PARP6: variants seen among roughly 807,000 people sequenced by gnomAD.
PARP6 encodes poly(ADP-ribose) polymerase family member 6, also known as protein mono-ADP-ribosyltransferase PARP6.
A neutral mutation model predicts 92.0 loss-of-function variants in PARP6; 27 were observed. That is an observed-to-expected ratio of 0.29 (90% CI 0.22 to 0.40). The LOEUF is 0.40. PARP6 is among the 10% of genes least tolerant of loss of function. PARP6 has a pLI of 1.00. For synonymous variants in PARP6, 272 were observed against 281.2 expected, an observed-to-expected ratio of 0.97 and a Z score of 0.33; for missense variants, 501 against 784.5, an observed-to-expected ratio of 0.64 and a Z score of 4.32.
At chr15:72,259,573 G>C in intron 11 of PARP6, 35 bp downstream of exon 11, 4 of 1,599,282 alleles carry the variant, frequency 2.5e-6, no homozygotes, top group Non-Finnish European at 3.4e-6. Flanking sequence ...AGACAACAGG[G>C]AAGGGCTTCG....
Position 72,254,440 on chromosome 15 carries a change from G to A in PARP6, c.1191+15C>T. On this transcript the variant is annotated intron_variant, in intron 15 of 23. Transcript: ENST00000569795. Reference sequence around the variant, plus strand: ...GGGCAGGCAAAGGAGAGGGGACAGAGAGAAGGCAGAATACCTGGGTCATCT... The same window carrying A: ...GGGCAGGCAAAGGAGAGGGGACAGAAAGAAGGCAGAATACCTGGGTCATCT... 1 of 1,595,950 alleles carries A rather than the reference G, an allele frequency of 6.3e-7. No homozygotes were observed. Among genetic ancestry groups the A allele is most frequent in the Non-Finnish European group, 8.6e-7 (1 of 1,163,362 alleles).
chr15:72,255,801 T>C lies in PARP6; in HGVS notation c.1125+664A>G, dbSNP rs200530061. Among the ~76,000 whole-genome samples, 15 of 113,182 alleles carry C rather than the reference T, an allele frequency of 1.3e-4. 1 individual carries two copies. In the South Asian group the frequency reaches 3.9e-3, roughly 29 times the overall value. 74.3% of individuals were successfully genotyped at this position (113,182 alleles called of 152,430 possible). The stretch of plus-strand genomic sequence containing the variant: ...ACTTCTCTCTTTTTTTTTTTTTTTT[T>C]TTTTTTTTTTTTTGAGACAGAGTCT... On this transcript the variant is annotated intron_variant, in intron 14 of 23. Coordinates refer to ENST00000569795, the MANE Select transcript of PARP6 (RefSeq NM_001323532.2).
chr15:72,251,018 G>T, intron 17 of PARP6, 64 bp from the exon 18 acceptor site: 1 of 1,272,966 alleles, frequency 7.9e-7, no homozygotes, highest in Non-Finnish European at 1.1e-6. Context: ...GGGAGGGAAG[G>T]GTTGGGGATA....
At chr15:72,248,498 G>A (rs1004089003) in intron 20 of PARP6, among the ~76,000 whole-genome samples, 1 of 152,122 alleles carries the variant, frequency 6.6e-6, no homozygotes, top group Non-Finnish European at 1.5e-5. Flanking sequence ...CTTTGTAACA[G>A]TTACAAATTA....
In PARP6 at chr15:72,266,734, T is replaced by C. The variant is rs749480733; in HGVS notation, c.81+11A>G. 12 of 1,605,968 alleles carry C rather than the reference T, an allele frequency of 7.5e-6. No individual in the cohort carries two copies. The highest frequency in any genetic ancestry group is 1.6e-4 in the Middle Eastern group (1 of 6,072). ...CATCCAACACGGGGGTCTTGGGAGA[T>C]GTAACCTCACCTGAACGCCATAGAG... On this transcript the variant is annotated intron_variant, in intron 4 of 23. Coordinates refer to ENST00000569795, the MANE Select transcript of PARP6 (RefSeq NM_001323532.2).
At chr15:72,252,761 A>C (rs1399898753) in intron 16 of PARP6, among the ~76,000 whole-genome samples, 1 of 152,232 alleles carries the variant, frequency 6.6e-6, no homozygotes, top group Non-Finnish European at 1.5e-5. Flanking sequence ...TTGGGATCAC[A>C]GGTGTGAGCC....
At chr15:72,265,666 C>G (rs555700317) in intron 5 of PARP6, among the ~76,000 whole-genome samples, 193 bp from the exon 6 acceptor site, 2 of 152,330 alleles carry the variant, frequency 1.3e-5, no homozygotes, top group Admixed American at 6.5e-5. Context: ...AAAAGCATTT[C>G]TTACCTGAAA....
At position 72,241,359 on chromosome 15, in the gene PARP6, G is replaced by A. The variant is rs747282949; in HGVS notation, c.*96C>T. The A allele has an allele frequency of 4.7e-6, 4 of 853,560 alleles. No individual in the cohort carries two copies. The highest frequency in any genetic ancestry group is 6.0e-6 in the Non-Finnish European group (3 of 503,574). 52.9% of individuals were successfully genotyped at this position (853,560 alleles called of 1,614,324 possible). A position where few individuals can be genotyped will look rare whatever the true frequency, so the allele number is the denominator to read the frequency against. ...TCCTGCCCCTTGGTAATGGCCCCTT[G>A]ATTCCTCAGGGCAGCCTCAGCTGCT... is the stretch of plus-strand genomic sequence containing the variant. On this transcript the variant is annotated 3_prime_UTR_variant, in exon 24 of 24. Transcript: ENST00000569795. This position sits in a 1 kb window ranked among gnomAD's most constrained non-coding sequence, Gnocchi z 4.1.
chr15:72,260,448 G>T (rs746878611), intron 10 of PARP6, 30 bp downstream of exon 10: 2 of 1,572,658 alleles, frequency 1.3e-6, no homozygotes. Flanking sequence ...CCTCCTGATA[G>T]CCAAGTCAAA....
chr15:72,255,985 G>A (rs911998792), intron 14 of PARP6, among the ~76,000 whole-genome samples: 4 of 151,478 alleles, frequency 2.6e-5, no homozygotes, highest in African/African-American at 9.7e-5. Flanking sequence ...TTTTAGTAGA[G>A]ACAGGGTTTC....
intron 2 of PARP6, among the ~76,000 whole-genome samples, chr15:72,268,647 T>G (rs4398067): frequency 1 from 152,344 of 152,348 alleles, 76,170 homozygotes; most frequent in Non-Finnish European, 1. Context: ...GCAGTGAGCC[T>G]AGATCACGCC....
At chr15:72,257,267 G>A in intron 13 of PARP6, 81 bp downstream of exon 13, 1 of 1,018,202 alleles carries the variant, frequency 9.8e-7, no homozygotes, top group Non-Finnish European at 1.6e-6. Flanking sequence ...ATTTTTGGAA[G>A]TTAAATTCCA....
chr15:72,256,953 C>T (rs1437411743), intron 13 of PARP6, among the ~76,000 whole-genome samples: 1 of 152,180 alleles, frequency 6.6e-6, no homozygotes, highest in Admixed American at 6.5e-5. Context: ...TCATGGCCCA[C>T]TGCAGCCTCG....
chr15:72,253,689 T>C (rs2084671308), intron 15 of PARP6, 185 bp from the exon 16 acceptor site: 3 of 694,286 alleles, frequency 4.3e-6, no homozygotes. Flanking sequence ...CATAAATAAA[T>C]ATGAAAATGA....
chr15:72,271,581 C>T (rs2087440121), intron 1 of PARP6, among the ~76,000 whole-genome samples: 1 of 152,204 alleles, frequency 6.6e-6, no homozygotes, highest in Non-Finnish European at 1.5e-5. Context: ...CTTAGACCTA[C>T]AGAGGTCGAC....
intron 3 of PARP6, 82 bp from the exon 4 acceptor site, chr15:72,266,904 C>G (rs1371363482): frequency 1.6e-6 from 1 of 608,430 alleles, no homozygotes; most frequent in African/African-American, 2.2e-5. Flanking sequence ...TGGTGAGGAA[C>G]AGATTCCCAC....
intron 2 of PARP6, among the ~76,000 whole-genome samples, chr15:72,268,158 C>A (rs2141115515): frequency 6.6e-6 from 1 of 152,344 alleles, no homozygotes. Flanking sequence ...TAATGAAACA[C>A]AAAAGCACTA....
At chr15:72,256,330 G>GA in intron 14 of PARP6, 135 bp downstream of exon 14, 1 of 635,616 alleles carries the variant, frequency 1.6e-6, no homozygotes, top group Non-Finnish European at 2.3e-6. Flanking sequence ...TTTATTTACT[G>GA]AAACAGCTAA....
intron 20 of PARP6, among the ~76,000 whole-genome samples, chr15:72,246,108 C>G (rs902183291): frequency 5.3e-5 from 8 of 152,194 alleles, no homozygotes; most frequent in African/African-American, 2.4e-5. Context: ...GTCACTTGCC[C>G]TGTGTGGATT....
Sources: allele counts gnomAD v4.1 joint callset (sites outside exome capture counted in the v4.1 genomes callset), GRCh38; gene constraint gnomAD v4.1.1; non-coding constraint Gnocchi (gnomAD v3.1); transcripts MANE v1.5; gene names NCBI Gene and HGNC (gene_info 2026-07-23, HGNC 2026-07-21).